MYO3B: variants seen among roughly 807,000 people sequenced by gnomAD.
MYO3B encodes the protein myosin-IIIb.
MYO3B carries 156 observed loss-of-function variants against 174.6 expected under a neutral mutation model. That is an observed-to-expected ratio of 0.89 (90% CI 0.78 to 1.02). The LOEUF is 1.02. Among genes scored for constraint, MYO3B ranks in the 50% least tolerant of loss-of-function variants. The probability of loss-of-function intolerance (pLI) is 0.00; values close to 1 mark genes in which losing one functional copy is unlikely to be tolerated. For missense variants in MYO3B, 1,632 were observed against 1,639.4 expected (o/e 1.00, Z 0.08); for synonymous variants, 563 against 569.1 (o/e 0.99, Z 0.15).
intron 32 of MYO3B, among the ~76,000 whole-genome samples, chr2:170,555,916 C>T (rs1409150796): frequency 1.3e-5 from 2 of 151,982 alleles, no homozygotes; most frequent in Non-Finnish European, 2.9e-5. Context: ...TCCATGTCGG[C>T]TGGGTGTGGT....
At chr2:170,393,257 T>G (rs187015259) in intron 16 of MYO3B, among the ~76,000 whole-genome samples, 74 of 152,012 alleles carry the variant, frequency 4.9e-4, no homozygotes, top group Non-Finnish European at 9.0e-4. Context: ...CTAATTTTTG[T>G]ATTTTTAGTA....
chr2:170,578,805 G>T (rs1442275336), intron 32 of MYO3B, among the ~76,000 whole-genome samples: 1 of 152,236 alleles, frequency 6.6e-6, no homozygotes, highest in African/African-American at 2.4e-5. Context: ...GCTGTCCTCA[G>T]CCTGTTGTGG....
chr2:170,353,869 A>G (rs1158313781), intron 8 of MYO3B, among the ~76,000 whole-genome samples: 2 of 152,236 alleles, frequency 1.3e-5, no homozygotes, highest in Non-Finnish European at 2.9e-5. Context: ...CTAGTAATTT[A>G]TGATCCTTGC....
At chr2:170,325,698 C>T (rs1281545371) in intron 7 of MYO3B, among the ~76,000 whole-genome samples, 2 of 152,112 alleles carry the variant, frequency 1.3e-5, no homozygotes, top group Non-Finnish European at 2.9e-5. Flanking sequence ...GTTAGCCTGC[C>T]TGCTTGATTG....
At chr2:170,606,295 C>A (rs916691194) in intron 32 of MYO3B, among the ~76,000 whole-genome samples, 4 of 152,208 alleles carry the variant, frequency 2.6e-5, no homozygotes, top group Non-Finnish European at 5.9e-5. Flanking sequence ...TACCTCACAT[C>A]ATGATCCCCT....
rs556637641 is a variant in MYO3B at position 170,618,004 on chromosome 2, G to C, written c.3734-33624G>C. Among the ~76,000 whole-genome samples the C allele has an allele frequency of 3.2e-3, 488 of 152,228 alleles. 9 individuals are homozygous for C. The highest frequency in any genetic ancestry group is 2.3e-3 in the East Asian group (12 of 5,178). ...TGATCTGCCTTAGAGGTTTTAATGA[G>C]AGCCCTGATATCAAGTGTCCTAAAG... is the stretch of plus-strand genomic sequence containing the variant. On this transcript the variant is annotated intron_variant, in intron 32 of 34. Coordinates refer to ENST00000408978, the MANE Select transcript of MYO3B (RefSeq NM_138995.5).
chr2:170,635,055 G>C (rs1234467494), intron 32 of MYO3B, among the ~76,000 whole-genome samples: 1 of 152,216 alleles, frequency 6.6e-6, no homozygotes, highest in Non-Finnish European at 1.5e-5. Context: ...ACAGTGTGGC[G>C]ATTCCTCAAG....
At chr2:170,463,289 G>C in intron 23 of MYO3B, 79 bp from the exon 24 acceptor site, 8 of 1,286,032 alleles carry the variant, frequency 6.2e-6, no homozygotes, top group Admixed American at 3.7e-5. Flanking sequence ...GGCCAAACAG[G>C]CTTTCGGATT....
intron 32 of MYO3B, among the ~76,000 whole-genome samples, chr2:170,563,095 C>CT (rs1419163565): frequency 7.0e-6 from 1 of 143,460 alleles, no homozygotes; most frequent in East Asian, 2.0e-4. Context: ...CACATACACT[C>CT]TTTCTCTCTC....
At chr2:170,430,672 G>C (rs992883052) in intron 22 of MYO3B, among the ~76,000 whole-genome samples, 3 of 152,064 alleles carry the variant, frequency 2.0e-5, no homozygotes, top group Non-Finnish European at 4.4e-5. Context: ...GCCTGGCCTA[G>C]ATAGCTTCTT....
Position 170,490,028 on chromosome 2 carries a change from C to CTTT in MYO3B, c.3015-8563_3015-8561dup, listed in dbSNP as rs751661221. 1.8e-4 allele frequency among the ~76,000 whole-genome samples: 26 copies of CTTT among 145,944 alleles called. 1 individual carries two copies. Among genetic ancestry groups the CTTT allele is most frequent in the African/African-American group, 6.5e-4 (25 of 38,388 alleles). On this transcript the variant is annotated intron_variant, in intron 25 of 34. Transcript: ENST00000408978. ...TATTTTTTCATTTTCAGTTTCTTTT[C>CTTT]TTTCTTTTTTTTTTTTTTGAGATGG... is the stretch of plus-strand genomic sequence containing the variant.
At chr2:170,446,778 A>C (rs572578105) in intron 23 of MYO3B, among the ~76,000 whole-genome samples, 1 of 152,172 alleles carries the variant, frequency 6.6e-6, no homozygotes, top group African/African-American at 2.4e-5. Flanking sequence ...TATAACAAAA[A>C]GCAGATTAAC....
intron 7 of MYO3B, among the ~76,000 whole-genome samples, chr2:170,255,856 C>G (rs151259306): frequency 6.6e-6 from 1 of 152,304 alleles, no homozygotes; most frequent in African/African-American, 2.4e-5. Context: ...GGCAAGGAGG[C>G]TCAAGATTCG....
intron 6 of MYO3B, among the ~76,000 whole-genome samples, chr2:170,225,216 A>G (rs1253584846): frequency 1.3e-5 from 2 of 152,248 alleles, no homozygotes; most frequent in African/African-American, 2.4e-5. Context: ...ACTACCAAAA[A>G]GGGGGTGCTA....
At chr2:170,584,323 T>C (rs1216246972) in intron 32 of MYO3B, among the ~76,000 whole-genome samples, 1 of 152,208 alleles carries the variant, frequency 6.6e-6, no homozygotes, top group African/African-American at 2.4e-5. Flanking sequence ...TTTTTCTTTT[T>C]AAGAGTAAAA....
At chr2:170,333,627 C>T (rs1371506853) in intron 7 of MYO3B, among the ~76,000 whole-genome samples, 1 of 152,088 alleles carries the variant, frequency 6.6e-6, no homozygotes, top group Non-Finnish European at 1.5e-5. Context: ...TTTGGACATA[C>T]TATGCTTTTT....
At chr2:170,330,361 A>T (rs1198826631) in intron 7 of MYO3B, among the ~76,000 whole-genome samples, 2 of 152,204 alleles carry the variant, frequency 1.3e-5, no homozygotes, top group Non-Finnish European at 2.9e-5. Flanking sequence ...TCTTCACGAG[A>T]TAAAATACAG....
chr2:170,387,460 T>C, intron 14 of MYO3B, 152 bp downstream of exon 14: 2 of 769,204 alleles, frequency 2.6e-6, no homozygotes, highest in Non-Finnish European at 4.1e-6. Flanking sequence ...TCAGTGGTAG[T>C]TTTTGACCTA....
Position 170,434,192 on chromosome 2 carries a change from A to C in MYO3B, c.2651-9775A>C, listed in dbSNP as rs77389787. 8.1e-3 allele frequency among the ~76,000 whole-genome samples: 1,230 copies of C among 152,228 alleles called. 27 individuals are homozygous for C. Among genetic ancestry groups the C allele is most frequent in the African/African-American group, 0.028 (1,150 of 41,552 alleles). On this transcript the variant is annotated intron_variant, in intron 22 of 34. Transcript: ENST00000408978. ...GATTTTTTAGTATACAAAATACTATAGGTTTGTGTTTTTTTGAGAATGGGT... is the reference window on the plus strand; with the variant it reads ...GATTTTTTAGTATACAAAATACTATCGGTTTGTGTTTTTTTGAGAATGGGT...
Sources: gnomAD v4.1 joint callset for allele counts (sites outside exome capture counted in the v4.1 genomes callset) on GRCh38, gnomAD v4.1.1 for gene constraint, MANE v1.5 for transcripts, NCBI Gene and HGNC (gene_info 2026-07-23, HGNC 2026-07-21) for gene names.